Variants in PTPN3 observed in about 807,000 individuals in gnomAD.
The protein encoded by PTPN3 is tyrosine-protein phosphatase non-receptor type 3.
In PTPN3, 96 loss-of-function variants were observed where a neutral mutation model predicts 132.7. The ratio of observed to expected loss-of-function variants is 0.72; its 90% CI spans 0.61 to 0.86. The LOEUF is 0.86. Ranked by LOEUF, PTPN3 falls within the 40% of genes least tolerant of loss-of-function variation. PTPN3 has a pLI of 0.00. For synonymous variants in PTPN3, 398 were observed against 429.0 expected (o/e 0.93, Z 0.89); for missense variants, 1,125 against 1,159.6 (o/e 0.97, Z 0.43).
At chr9:109,463,242 T>G in intron 2 of PTPN3, 55 bp downstream of exon 2, 1 of 1,452,286 alleles carries the variant, frequency 6.9e-7, no homozygotes. Context: ...AGATGAAAAC[T>G]ATTTGTTAGG....
intron 7 of PTPN3, among the ~76,000 whole-genome samples, chr9:109,443,971 A>C (rs2131967844): frequency 1.3e-5 from 2 of 152,076 alleles, no homozygotes; most frequent in African/African-American, 2.4e-5. Context: ...CACCTCCTTC[A>C]TTTCTGTTCT....
At chr9:109,449,569 G>C (rs1264601619) in intron 5 of PTPN3, 22 of 985,274 alleles carry the variant, frequency 2.2e-5, no homozygotes, top group Middle Eastern at 5.2e-4. Flanking sequence ...CTGGGGAGCG[G>C]GGAAAGGAGG....
chr9:109,456,420 G>A (rs1372777716), intron 4 of PTPN3, among the ~76,000 whole-genome samples: 1 of 152,218 alleles, frequency 6.6e-6, no homozygotes, highest in Non-Finnish European at 1.5e-5. Flanking sequence ...GCCACCCACA[G>A]TTTCTAGGAG....
the PTPN3 span, among the ~76,000 whole-genome samples, chr9:109,503,412 A>T: frequency 6.6e-6 from 1 of 152,160 alleles, no homozygotes; most frequent in Non-Finnish European, 1.5e-5. Flanking sequence ...CCATTGAAAA[A>T]TGTCTTTCTC....
rs577928736 is a variant in PTPN3 at position 109,381,017 on chromosome 9, A to AAATG, written c.2664+631_2664+634dup. 2.4e-4 allele frequency among the ~76,000 whole-genome samples: 36 copies of AAATG among 152,196 alleles called. No homozygotes were observed. In the South Asian group the frequency reaches 6.4e-3, roughly 27 times the overall value. ...GCCTGTCTCTGCACCCTTCTTTGTC[A>AAATG]AATGAATGAATGAATGAATGTGGGA... On this transcript the variant is annotated intron_variant, in intron 25 of 25. Transcript: ENST00000374541.
Position 109,463,414 on chromosome 9 carries a change from C to A in PTPN3, c.21G>T (p.Ala7=). The change falls in exon 2 of 26, where the codon GCG becomes GCT. Residue 7 remains alanine, a synonymous_variant. Transcript: ENST00000374541. ...GTATATTATTAATTCTTCCACCCAACGCACGTAACCGGGAGGTCATAACTA... is the reference window on the plus strand; with the variant it reads ...GTATATTATTAATTCTTCCACCCAAAGCACGTAACCGGGAGGTCATAACTA... The part of the protein sequence containing the change: MTSRLR[A]LGGRINNIRT... The A allele has an allele frequency of 6.2e-7, 1 of 1,610,332 alleles. No homozygotes were observed. Among genetic ancestry groups the A allele is most frequent in the African/African-American group, 1.3e-5 (1 of 74,822 alleles).
At chr9:109,409,555 G>A (rs748344411) in intron 16 of PTPN3, among the ~76,000 whole-genome samples, 2 of 152,194 alleles carry the variant, frequency 1.3e-5, no homozygotes, top group African/African-American at 4.8e-5. Flanking sequence ...GGCTGGGTGC[G>A]GTGGTTCACG....
chr9:109,483,656 T>C (rs1200824944), intron 1 of PTPN3, among the ~76,000 whole-genome samples: 1 of 151,946 alleles, frequency 6.6e-6, no homozygotes, highest in Non-Finnish European at 1.5e-5. Context: ...ATCAAATCAC[T>C]CCATACGTCT....
intron 1 of PTPN3, among the ~76,000 whole-genome samples, chr9:109,474,444 AG>A (rs1262815743): frequency 6.6e-6 from 1 of 152,064 alleles, no homozygotes; most frequent in Non-Finnish European, 1.5e-5. Context: ...ATCAAGTTCT[AG>A]GGGAGAGGAA....
intron 7 of PTPN3, 133 bp from the exon 8 acceptor site, chr9:109,438,367 G>T: frequency 1.1e-6 from 1 of 948,222 alleles, no homozygotes. Context: ...TACACCACAT[G>T]AACTGAAGCT....
At chr9:109,489,659 A>G (rs1847368240) in intron 1 of PTPN3, among the ~76,000 whole-genome samples, 1 of 152,102 alleles carries the variant, frequency 6.6e-6, no homozygotes, top group African/African-American at 2.4e-5. Flanking sequence ...CTGCAGTTAG[A>G]GAAGTCTACC....
intron 14 of PTPN3, among the ~76,000 whole-genome samples, chr9:109,418,610 A>G (rs1842687792): frequency 6.6e-6 from 1 of 152,212 alleles, no homozygotes; most frequent in Admixed American, 6.5e-5. Context: ...GTTAGTCTAG[A>G]TGAGTGCTGC....
At chr9:109,442,079 A>T (rs1035656358) in intron 7 of PTPN3, among the ~76,000 whole-genome samples, 9 of 151,384 alleles carry the variant, frequency 5.9e-5, no homozygotes, top group Admixed American at 4.6e-4. Context: ...ACAGAGTCTC[A>T]CTCTGTTGCC....
intron 1 of PTPN3, among the ~76,000 whole-genome samples, chr9:109,468,908 C>T (rs868030723): frequency 1.3e-5 from 2 of 152,228 alleles, no homozygotes. Context: ...TGATTTCAAA[C>T]GACTTACAGA....
the PTPN3 span, among the ~76,000 whole-genome samples, chr9:109,536,398 T>C: frequency 6.6e-6 from 1 of 152,216 alleles, no homozygotes; most frequent in African/African-American, 2.4e-5. Context: ...AGTAATTCCG[T>C]TTCACATTTT....
chr9:109,535,148 G>A, the PTPN3 span, among the ~76,000 whole-genome samples: 1 of 152,168 alleles, frequency 6.6e-6, no homozygotes, highest in African/African-American at 2.4e-5. Flanking sequence ...ATTGTGGTTC[G>A]TATTTCTCAT....
intron 24 of PTPN3, 44 bp downstream of exon 24, chr9:109,382,258 A>C: frequency 6.3e-7 from 1 of 1,599,870 alleles, no homozygotes; most frequent in African/African-American, 1.3e-5. Context: ...GCCTTTTCCG[A>C]CAGGGAAAGG....
chr9:109,449,473 A>G (rs1845098066), intron 5 of PTPN3: 1 of 985,420 alleles, frequency 1.0e-6, no homozygotes, highest in African/African-American at 1.7e-5. Flanking sequence ...ATCTCTGGGC[A>G]ACCAGCAAAT....
chr9:109,411,690 T>G (rs1333698460), intron 14 of PTPN3, among the ~76,000 whole-genome samples: 2 of 152,230 alleles, frequency 1.3e-5, no homozygotes, highest in African/African-American at 4.8e-5. Context: ...TTTCAAGCCC[T>G]TATCCATGGA....
Sources: gnomAD v4.1 joint callset for allele counts (sites outside exome capture counted in the v4.1 genomes callset) on GRCh38, gnomAD v4.1.1 for gene constraint, MANE v1.5 for transcripts, NCBI Gene and HGNC (gene_info 2026-07-23, HGNC 2026-07-21) for gene names.